Variants in THADA observed in about 807,000 individuals in gnomAD.
THADA encodes the protein tRNA (32-2'-O)-methyltransferase regulator THADA.
A neutral mutation model predicts 219.8 loss-of-function variants in THADA; 213 were observed. That is an observed-to-expected ratio of 0.97 (90% CI 0.87 to 1.09). THADA has a LOEUF of 1.09. Among genes scored for constraint, THADA ranks in the 50% least tolerant of loss-of-function variants. THADA has a pLI of 0.00. For synonymous variants in THADA, 1,018 were observed against 828.9 expected, an observed-to-expected ratio of 1.23 and a Z score of -3.92; for missense variants, 2,956 against 2,311.3, an observed-to-expected ratio of 1.28 and a Z score of -5.72.
intron 28 of THADA, among the ~76,000 whole-genome samples, chr2:43,411,147 C>A (rs571007092): frequency 5.1e-4 from 78 of 152,294 alleles, no homozygotes; most frequent in African/African-American, 1.8e-3. Flanking sequence ...TGTTCTGAAT[C>A]TTTCACATGT....
At chr2:43,232,265 G>A (rs558101671) in intron 37 of THADA, among the ~76,000 whole-genome samples, 116 of 151,380 alleles carry the variant, frequency 7.7e-4, no homozygotes, top group African/African-American at 2.7e-3. Flanking sequence ...TGCAACCTCC[G>A]CCTCCCAGGT....
At position 43,519,761 on chromosome 2, in the gene THADA, C is replaced by T. The variant is rs563747039; in HGVS notation, c.3374+8118G>A. 3.9e-5 allele frequency among the ~76,000 whole-genome samples: 6 copies of T among 152,322 alleles called. No homozygotes were observed. The South Asian group carries it at 1.2e-3, about 32-fold the overall frequency. ...AAGGAGCAACTAGTGCTGGTGCCAG[C>T]TGGCGCACATTAGCTGTGCCTGCAG... On this transcript the variant is annotated intron_variant, in intron 22 of 37. Coordinates refer to ENST00000405975, the MANE Select transcript of THADA (RefSeq NM_022065.5).
chr2:43,514,457 T>A (rs115425585), intron 22 of THADA, among the ~76,000 whole-genome samples: 8,887 of 141,260 alleles, frequency 0.063, 403 homozygotes, highest in Middle Eastern at 0.095. Context: ...TCTTAAAAAA[T>A]ATATATATAA....
At chr2:43,322,621 C>T (rs900292856) in intron 30 of THADA, among the ~76,000 whole-genome samples, 4 of 150,378 alleles carry the variant, frequency 2.7e-5, no homozygotes, top group South Asian at 2.1e-4. Context: ...ATACTGTTCT[C>T]GAGGCAACCG....
rs113149866 is a variant in THADA, at chr2:43,311,358, T to C, written c.4438+9088A>G. 3.3e-3 allele frequency among the ~76,000 whole-genome samples: 497 copies of C among 152,250 alleles called. 2 individuals are homozygous for C. The highest frequency in any genetic ancestry group is 0.012 in the African/African-American group (488 of 41,542). ...CTAGGATGGCTATTAATAAAACAGA[T>C]GGACAGTAAGAGTTGGTAAGGATAT... On this transcript the variant is annotated intron_variant, in intron 31 of 37. Coordinates refer to ENST00000405975, the MANE Select transcript of THADA (RefSeq NM_022065.5).
chr2:43,583,730 A>G (rs917494827), intron 7 of THADA, among the ~76,000 whole-genome samples: 1 of 152,188 alleles, frequency 6.6e-6, no homozygotes, highest in Non-Finnish European at 1.5e-5. Context: ...GGCCACAAAA[A>G]GGAATGAAAT....
intron 15 of THADA, 72 bp from the exon 16 acceptor site, chr2:43,560,457 C>A: frequency 2.6e-6 from 3 of 1,166,388 alleles, no homozygotes; most frequent in South Asian, 2.2e-5. Flanking sequence ...GTTATTTGAC[C>A]AAATTTATAG....
intron 29 of THADA, among the ~76,000 whole-genome samples, chr2:43,364,643 T>C (rs953208716): frequency 3.3e-5 from 5 of 152,268 alleles, no homozygotes; most frequent in African/African-American, 1.2e-4. Flanking sequence ...ACAGTTAGTA[T>C]AGTCTACATC....
At position 43,566,824 on chromosome 2, in the gene THADA, TAA is replaced by T. The variant is rs34512555; in HGVS notation, c.2188-5_2188-4del. 2.3e-4 allele frequency: 277 copies of T among 1,201,362 alleles called. No homozygotes were observed. Among genetic ancestry groups the T allele is most frequent in the South Asian group, 3.2e-4 (15 of 46,750 alleles). 74.4% of individuals were successfully genotyped at this position (1,201,362 alleles called of 1,614,324 possible). Reference sequence around the variant, plus strand: ...TTACAAATGGATGACATGAAATTCTTAAAAAAAAAAAAAAAATTACAGTAAGT... The same window carrying T: ...TTACAAATGGATGACATGAAATTCTTAAAAAAAAAAAAAATTACAGTAAGT... On this transcript the variant is annotated splice_region_variant and splice_polypyrimidine_tract_variant and intron_variant, in intron 14 of 37. Coordinates refer to ENST00000405975, the MANE Select transcript of THADA (RefSeq NM_022065.5).
chr2:43,448,966 G>C (rs780507362), intron 26 of THADA, among the ~76,000 whole-genome samples: 2 of 152,128 alleles, frequency 1.3e-5, no homozygotes, highest in Non-Finnish European at 2.9e-5. Context: ...ATTCAAAGGG[G>C]GGGCGGGGAA....
intron 24 of THADA, among the ~76,000 whole-genome samples, chr2:43,503,942 AAAAGCTCCAAAATCTGAAACTTTTT>A (rs921249474): frequency 4.6e-5 from 7 of 152,194 alleles, no homozygotes; most frequent in African/African-American, 1.7e-4. Context: ...CTGAAATCAA[AAAAGCTCCAAAATCTGAAACTTTTT>A]AAAGCACGGA....
At chr2:43,547,959 A>T (rs1250401804) in intron 20 of THADA, among the ~76,000 whole-genome samples, 1 of 152,094 alleles carries the variant, frequency 6.6e-6, no homozygotes, top group Admixed American at 6.5e-5. Context: ...TAGAGTTTCC[A>T]GTTTTTCTGC....
chr2:43,430,676 A>G (rs746076489), intron 26 of THADA: 31 of 456,890 alleles, frequency 6.8e-5, no homozygotes, highest in Non-Finnish European at 8.8e-6. Context: ...TGATAAGGAC[A>G]GGTCTAGAAC....
chr2:43,430,689 G>C, intron 26 of THADA: 2 of 455,796 alleles, frequency 4.4e-6, no homozygotes, highest in South Asian at 1.6e-5. Context: ...TCTAGAACAA[G>C]CGTTCCCAAC....
At chr2:43,478,346 G>T (rs1685787379) in intron 26 of THADA, among the ~76,000 whole-genome samples, 1 of 152,044 alleles carries the variant, frequency 6.6e-6, no homozygotes, top group Non-Finnish European at 1.5e-5. Flanking sequence ...GTTCCCTCTG[G>T]CTTTAACCTC....
chr2:43,449,590 A>G (rs992443945), intron 26 of THADA, among the ~76,000 whole-genome samples: 1 of 152,184 alleles, frequency 6.6e-6, no homozygotes, highest in Non-Finnish European at 1.5e-5. Flanking sequence ...CAACATGGTG[A>G]GACCCCATCT....
At chr2:43,294,829 A>G (rs1172660960) in intron 31 of THADA, among the ~76,000 whole-genome samples, 3 of 148,094 alleles carry the variant, frequency 2.0e-5, no homozygotes, top group African/African-American at 7.4e-5. Context: ...ATCATTTAAA[A>G]AGGCAAAAAA....
intron 29 of THADA, among the ~76,000 whole-genome samples, chr2:43,379,960 C>T (rs1315124504): frequency 2.0e-5 from 3 of 152,160 alleles, no homozygotes; most frequent in Non-Finnish European, 4.4e-5. Flanking sequence ...TGATTTCAGT[C>T]ACATGACATT....
intron 29 of THADA, among the ~76,000 whole-genome samples, chr2:43,379,018 A>AT (rs1671702318): frequency 6.6e-6 from 1 of 152,248 alleles, no homozygotes; most frequent in African/African-American, 2.4e-5. Context: ...AAGGAGTGGG[A>AT]TGCAAGAAAA....
Sources: allele counts gnomAD v4.1 joint callset (sites outside exome capture counted in the v4.1 genomes callset), GRCh38; gene constraint gnomAD v4.1.1; transcripts MANE v1.5; gene names NCBI Gene and HGNC (gene_info 2026-07-23, HGNC 2026-07-21).